RTN1: variants seen among roughly 807,000 people sequenced by gnomAD.
The protein encoded by RTN1 is reticulon-1.
Under a neutral mutation model 65.5 loss-of-function variants are expected in RTN1, and 25 were observed. That is an observed-to-expected ratio of 0.38 (90% CI 0.28 to 0.53). The LOEUF (loss-of-function observed/expected upper bound fraction) is 0.53, where lower values mean the gene tolerates loss of function less well. Ranked by LOEUF, RTN1 falls within the 20% of genes least tolerant of loss-of-function variation. RTN1 has a pLI of 0.79. For synonymous variants in RTN1, 471 were observed against 447.6 expected, an observed-to-expected ratio of 1.05 and a Z score of -0.66; for missense variants, 983 against 1,025.4, an observed-to-expected ratio of 0.96 and a Z score of 0.57.
chr14:59,772,764 T>G (rs960375242), intron 1 of RTN1, among the ~76,000 whole-genome samples: 7 of 152,116 alleles, frequency 4.6e-5, no homozygotes, highest in Non-Finnish European at 7.4e-5. Context: ...AAACAAACAC[T>G]TTAGGCAACC....
chr14:59,644,676 T>C lies in RTN1; in HGVS notation c.1766-37184A>G, dbSNP rs372984320. Among the ~76,000 whole-genome samples the C allele has an allele frequency of 3.3e-5, 5 of 152,328 alleles. No individual in the cohort carries two copies. The East Asian group carries it at 5.8e-4, about 18-fold the overall frequency. The stretch of plus-strand genomic sequence containing the variant: ...TGGTACCTCACAGGACGAGACCCAC[T>C]GGTTTGGAAGTCTAGCTAGCCACCG... On this transcript the variant is annotated intron_variant, in intron 3 of 8. Transcript: ENST00000267484.
At chr14:59,623,340 C>T (rs982302517) in intron 3 of RTN1, among the ~76,000 whole-genome samples, 1 of 152,182 alleles carries the variant, frequency 6.6e-6, no homozygotes, top group African/African-American at 2.4e-5. Flanking sequence ...GATGTGTAAG[C>T]CCTTGGTCAC....
At position 59,752,474 on chromosome 14, in the gene RTN1, T is replaced by C. The variant is rs369757616; in HGVS notation, c.242-5993A>G. Among the ~76,000 whole-genome samples the C allele has an allele frequency of 2.2e-4, 33 of 152,230 alleles. No homozygotes were observed. In the East Asian group the frequency reaches 5.2e-3, roughly 24 times the overall value. ...ATCATTGCCTTGGGGGTTAGCATTT[T>C]AGCATATGAATTTTGGGGCGGGGGT... is the stretch of plus-strand genomic sequence containing the variant. On this transcript the variant is annotated intron_variant, in intron 1 of 8. Coordinates refer to ENST00000267484, the MANE Select transcript of RTN1 (RefSeq NM_021136.3).
At chr14:59,676,193 G>T (rs911662723) in intron 3 of RTN1, among the ~76,000 whole-genome samples, 5 of 152,154 alleles carry the variant, frequency 3.3e-5, no homozygotes. Flanking sequence ...ATTAATGCTG[G>T]AATGTATACT....
At chr14:59,797,439 G>GCTTCT (rs1886460445) in intron 1 of RTN1, among the ~76,000 whole-genome samples, 1 of 152,160 alleles carries the variant, frequency 6.6e-6, no homozygotes, top group African/African-American at 2.4e-5. Flanking sequence ...GCAATATCTA[G>GCTTCT]CAGTCTTCTG....
intron 1 of RTN1, among the ~76,000 whole-genome samples, chr14:59,789,949 T>C (rs534798198): frequency 3.9e-5 from 6 of 152,206 alleles, no homozygotes; most frequent in Admixed American, 3.9e-4. Flanking sequence ...TATAGGTAAT[T>C]TCATATAAAA....
At chr14:59,742,975 G>A (rs1416915810) in intron 2 of RTN1, among the ~76,000 whole-genome samples, 2 of 152,184 alleles carry the variant, frequency 1.3e-5, no homozygotes, top group African/African-American at 4.8e-5. Flanking sequence ...ATTCTTATCT[G>A]TTGTCATATG....
chr14:59,750,859 A>G (rs75443714), intron 1 of RTN1, among the ~76,000 whole-genome samples: 1,820 of 147,136 alleles, frequency 0.012, 41 homozygotes, highest in African/African-American at 0.043. Context: ...GACTACAGGC[A>G]TGCACCAGCA....
At chr14:59,804,402 G>A (rs1886599692) in intron 1 of RTN1, among the ~76,000 whole-genome samples, 1 of 152,150 alleles carries the variant, frequency 6.6e-6, no homozygotes, top group Non-Finnish European at 1.5e-5. Context: ...ACCTGAGGTA[G>A]TGTTCTCCTG....
At chr14:59,675,552 A>C (rs1486454786) in intron 3 of RTN1, among the ~76,000 whole-genome samples, 1 of 68,214 alleles carries the variant, frequency 1.5e-5, no homozygotes, top group East Asian at 3.4e-4. Flanking sequence ...TGTAAAAATA[A>C]ATAATTTAAT....
At chr14:59,800,462 A>ACGATCT (rs1231906511) in intron 1 of RTN1, among the ~76,000 whole-genome samples, 3 of 152,132 alleles carry the variant, frequency 2.0e-5, no homozygotes, top group Admixed American at 6.6e-5. Context: ...GGGCAGTGGC[A>ACGATCT]CGATCTCGGC....
intron 1 of RTN1, among the ~76,000 whole-genome samples, chr14:59,854,090 C>T (rs1406213385): frequency 1.3e-5 from 2 of 151,866 alleles, no homozygotes; most frequent in South Asian, 2.1e-4. Flanking sequence ...GAACTCCTGA[C>T]CTCAGGTGAT....
At chr14:59,674,381 TA>T (rs1003709177) in intron 3 of RTN1, among the ~76,000 whole-genome samples, 16 of 152,094 alleles carry the variant, frequency 1.1e-4, no homozygotes, top group African/African-American at 3.6e-4. Flanking sequence ...TAAAGATGAA[TA>T]AACTACAGTA....
At position 59,870,718 on chromosome 14, in the gene RTN1, G is replaced by A; in HGVS notation, c.-88C>T. Reference sequence around the variant, plus strand: ...GGCGCTCCCTGCTGCTGTCCCCGGAGGGACTCGGCGCTCAGGGAAGCTGCG... The same window carrying A: ...GGCGCTCCCTGCTGCTGTCCCCGGAAGGACTCGGCGCTCAGGGAAGCTGCG... On this transcript the variant is annotated 5_prime_UTR_variant, in exon 1 of 9. Transcript: ENST00000267484. The surrounding 1 kb of genome is among the most constrained non-coding windows in gnomAD (Gnocchi z 5.1). 1.6e-6 allele frequency: 2 copies of A among 1,254,878 alleles called. No homozygotes were observed. Among genetic ancestry groups the A allele is most frequent in the South Asian group, 5.5e-5 (2 of 36,314 alleles). 77.7% of individuals were successfully genotyped at this position (1,254,878 alleles called of 1,614,324 possible).
Position 59,794,567 on chromosome 14 carries a change from T to C in RTN1, c.242-48086A>G, listed in dbSNP as rs1250151212. Among the ~76,000 whole-genome samples the C allele has an allele frequency of 6.6e-6, 1 of 152,194 alleles. No individual in the cohort carries two copies. Among genetic ancestry groups the C allele is most frequent in the African/African-American group, 2.4e-5 (1 of 41,456 alleles). On this transcript the variant is annotated intron_variant, in intron 1 of 8. Coordinates refer to ENST00000267484, the MANE Select transcript of RTN1 (RefSeq NM_021136.3). This position sits in a 1 kb window ranked among gnomAD's most constrained non-coding sequence, Gnocchi z 5.1. ...CAACTATATTAGAATACAGTTTTAA[T>C]TACTGTAACAAAGATCCATGTCTGC...
At chr14:59,706,423 T>C (rs1220713348) in intron 3 of RTN1, among the ~76,000 whole-genome samples, 1 of 152,248 alleles carries the variant, frequency 6.6e-6, no homozygotes, top group African/African-American at 2.4e-5. Flanking sequence ...GTGGCTCCCA[T>C]GAACACCTGT....
chr14:59,814,916 T>C (rs1886794005), intron 1 of RTN1, among the ~76,000 whole-genome samples: 1 of 152,240 alleles, frequency 6.6e-6, no homozygotes, highest in South Asian at 2.1e-4. Context: ...CTTTTTGCTC[T>C]GCAGTAGTTA....
intron 3 of RTN1, among the ~76,000 whole-genome samples, chr14:59,629,440 G>T (rs1882485007): frequency 1.3e-5 from 2 of 152,214 alleles, no homozygotes; most frequent in South Asian, 4.1e-4. Flanking sequence ...TACAAAATCA[G>T]CTGCTGCTCC....
chr14:59,841,787 C>T (rs1262319676), intron 1 of RTN1, among the ~76,000 whole-genome samples: 3 of 150,526 alleles, frequency 2.0e-5, no homozygotes, highest in East Asian at 2.0e-4. Context: ...ACTTAGATAG[C>T]TAGAAAGTTA....
Sources: gnomAD v4.1 joint callset for allele counts (sites outside exome capture counted in the v4.1 genomes callset) on GRCh38, gnomAD v4.1.1 for gene constraint, Gnocchi (gnomAD v3.1) non-coding constraint, MANE v1.5 for transcripts, NCBI Gene and HGNC (gene_info 2026-07-23, HGNC 2026-07-21) for gene names.